The following SARDH variants were observed in gnomAD, a reference collection of about 807,000 sequenced individuals.
SARDH encodes sarcosine dehydrogenase, mitochondrial.
Under a neutral mutation model 109.1 loss-of-function variants are expected in SARDH, and 95 were observed. The ratio of observed to expected loss-of-function variants is 0.87; its 90% CI spans 0.74 to 1.03. SARDH has a LOEUF of 1.03. Ranked by LOEUF, SARDH falls within the 50% of genes least tolerant of loss-of-function variation. The pLI, the probability that SARDH is intolerant of heterozygous loss-of-function variation, is 0.00. For synonymous variants in SARDH, 572 were observed against 534.8 expected (o/e 1.07, Z -0.96); for missense variants, 1,267 against 1,287.8 (o/e 0.98, Z 0.25).
chr9:133,725,807 G>A, intron 6 of SARDH: 1 of 230,394 alleles, frequency 4.3e-6, no homozygotes, highest in East Asian at 1.3e-4. Context: ...AAGCAGGCAT[G>A]GCGTGTGGAC....
chr9:133,698,859 TC>T (rs1181607931), intron 13 of SARDH, among the ~76,000 whole-genome samples: 1 of 152,234 alleles, frequency 6.6e-6, no homozygotes, highest in African/African-American at 2.4e-5. Flanking sequence ...TCGGTTAGGT[TC>T]TTAGACATGA....
chr9:133,735,231 G>A (rs777962473), intron 1 of SARDH, among the ~76,000 whole-genome samples: 1 of 152,206 alleles, frequency 6.6e-6, no homozygotes, highest in Non-Finnish European at 1.5e-5. Context: ...GTGGGACTAA[G>A]GCGGAAGCTG....
chr9:133,698,026 A>AAAG (rs1208054781), intron 13 of SARDH, among the ~76,000 whole-genome samples: 1 of 151,116 alleles, frequency 6.6e-6, no homozygotes, highest in African/African-American at 2.4e-5. Flanking sequence ...AAAAAAGAAA[A>AAAG]AAAAGAAAAA....
rs1044014790 is a variant in SARDH, at chr9:133,694,252, C to T, written c.1921+6G>A. 49 of 1,542,212 alleles carry T rather than the reference C, an allele frequency of 3.2e-5. No homozygotes were observed. The highest frequency in any genetic ancestry group is 5.9e-5 in the Admixed American group (3 of 50,882). ...ACAGCGCCGTGTGCACAGAGGCATCCCATACCTTCAAAGGCGGGGGCCAGC... is the reference window on the plus strand; with the variant it reads ...ACAGCGCCGTGTGCACAGAGGCATCTCATACCTTCAAAGGCGGGGGCCAGC... On this transcript the variant is annotated splice_donor_region_variant and intron_variant, in intron 15 of 20. Coordinates refer to ENST00000439388, the MANE Select transcript of SARDH (RefSeq NM_001134707.2).
chr9:133,732,458 G>T lies in SARDH; in HGVS notation c.475C>A (p.Arg159=). Residue 159 remains arginine (R), a synonymous_variant, in exon 3 of 21, where the codon CGG becomes AGG. Coordinates refer to ENST00000439388, the MANE Select transcript of SARDH (RefSeq NM_001134707.2). ...QNGGLFIASN[R]QRLDEYKRLM... is the part of the protein sequence containing the mutation. ...CTCTTGTACTCGTCCAGGCGCTGCC[G>T]GTTGGACGCGATGAAGAGGCCCCCA... 1 of 1,552,252 alleles carries T rather than the reference G, an allele frequency of 6.4e-7. No homozygotes were observed. Among genetic ancestry groups the T allele is most frequent in the African/African-American group, 1.4e-5 (1 of 71,980 alleles).
intron 18 of SARDH, 89 bp from the exon 19 acceptor site, chr9:133,670,841 C>T: frequency 6.3e-6 from 9 of 1,422,730 alleles, no homozygotes; most frequent in Non-Finnish European, 8.3e-6. Context: ...AAACCCACCC[C>T]CTCCAGCCCC....
chr9:133,726,368 A>AAATAATAAT (rs547588474), intron 6 of SARDH, among the ~76,000 whole-genome samples: 1,468 of 114,126 alleles, frequency 0.013, 44 homozygotes, highest in East Asian at 0.067. Context: ...ACCCTGTCTC[A>AAATAATAAT]AATAATAATA....
In SARDH at chr9:133,664,009, CG is replaced by C; in HGVS notation, c.2636del (p.Ser879CysfsTer5). On this transcript the variant is annotated frameshift_variant, in exon 21 of 21. Coordinates refer to ENST00000439388, the MANE Select transcript of SARDH (RefSeq NM_001134707.2). LOFTEE classifies it high-confidence loss of function. ...AGTCCCCGCTCTTCACAAAGTCCAG[CG>C]AGACCTAGGAGCAGAGGTGGGGATG... ...YIHDPSGGPVSLDFVKSGDYA... is the reference protein window; with the variant it reads ...YIHDPSGGPVXLDFVKSGDYA... The C allele has an allele frequency of 6.2e-7, 1 of 1,614,036 alleles. No homozygotes were observed. The highest frequency in any genetic ancestry group is 8.5e-7 in the Non-Finnish European group (1 of 1,179,936).
chr9:133,732,152 T>G (rs914094145), intron 3 of SARDH, among the ~76,000 whole-genome samples: 1 of 152,136 alleles, frequency 6.6e-6, no homozygotes, highest in African/African-American at 2.4e-5. Context: ...GCTCCTTCCC[T>G]GTGGCGTGTC....
intron 8 of SARDH, among the ~76,000 whole-genome samples, chr9:133,716,117 C>G (rs1832112866): frequency 6.6e-6 from 1 of 152,236 alleles, no homozygotes; most frequent in Non-Finnish European, 1.5e-5. Context: ...GACTCGCCCT[C>G]CAGGGCCGGG....
In SARDH at chr9:133,693,885, AC is replaced by A. The variant is rs1831188893; in HGVS notation, c.1921+372del. On this transcript the variant is annotated intron_variant, in intron 15 of 20. Coordinates refer to ENST00000439388, the MANE Select transcript of SARDH (RefSeq NM_001134707.2). This position sits in a 1 kb window ranked among gnomAD's most constrained non-coding sequence, Gnocchi z 5.6. ...AGGGTCACACGGGCCTGAGAAGTCA[AC>A]CCAGCAAGGATGTCAGTGGCAGAAA... Among the ~76,000 whole-genome samples the A allele has an allele frequency of 1.3e-5, 2 of 152,220 alleles. No individual in the cohort carries two copies. Among genetic ancestry groups the A allele is most frequent in the African/African-American group, 4.8e-5 (2 of 41,454 alleles).
Position 133,728,244 on chromosome 9 carries a change from G to A in SARDH, c.915+1521C>T, listed in dbSNP as rs377602358. On this transcript the variant is annotated intron_variant, in intron 6 of 20. Transcript: ENST00000439388. This position sits in a 1 kb window ranked among gnomAD's most constrained non-coding sequence, Gnocchi z 5.0. ...AGCAGCGCACTGGGACCCAGGTTCCGGCCCCATTTCGCCACCCGCTTCACT... is the reference window on the plus strand; with the variant it reads ...AGCAGCGCACTGGGACCCAGGTTCCAGCCCCATTTCGCCACCCGCTTCACT... 4.1e-4 allele frequency among the ~76,000 whole-genome samples: 62 copies of A among 152,114 alleles called. No individual in the cohort carries two copies. Among genetic ancestry groups the A allele is most frequent in the African/African-American group, 1.2e-3 (49 of 41,402 alleles).
intron 17 of SARDH, among the ~76,000 whole-genome samples, chr9:133,680,019 C>A (rs968300869): frequency 2.0e-5 from 3 of 152,190 alleles, no homozygotes; most frequent in African/African-American, 4.8e-5. Context: ...TGGCTCAGGC[C>A]CACGCTCCAG....
chr9:133,712,756 C>A lies in SARDH; in HGVS notation c.1238-47G>T, dbSNP rs756109388. 6.4e-7 allele frequency: 1 copy of A among 1,561,578 alleles called. No homozygotes were observed. Among genetic ancestry groups the A allele is most frequent in the Non-Finnish European group, 8.7e-7 (1 of 1,145,326 alleles). ...GGCTGCGGTCTGCCCCCCAGGGTCC[C>A]CCACCCATGTCCAAACATGTGCCCC... is the stretch of plus-strand genomic sequence containing the variant. On this transcript the variant is annotated intron_variant, in intron 9 of 20. Coordinates refer to ENST00000439388, the MANE Select transcript of SARDH (RefSeq NM_001134707.2). This position sits in a 1 kb window ranked among gnomAD's most constrained non-coding sequence, Gnocchi z 4.1.
chr9:133,695,884 T>G (rs1831267965), intron 14 of SARDH, among the ~76,000 whole-genome samples: 1 of 152,106 alleles, frequency 6.6e-6, no homozygotes, highest in Non-Finnish European at 1.5e-5. Context: ...ATTCTGGCAA[T>G]CCCACCTGTG....
intron 19 of SARDH, among the ~76,000 whole-genome samples, chr9:133,667,632 A>AT (rs1830120844): frequency 6.6e-6 from 1 of 151,558 alleles, no homozygotes; most frequent in South Asian, 2.1e-4. Context: ...AACTGGTAAC[A>AT]TTTTGTTGCC....
chr9:133,736,759 G>C (rs182832718), intron 1 of SARDH, among the ~76,000 whole-genome samples: 90 of 152,314 alleles, frequency 5.9e-4, no homozygotes, highest in African/African-American at 2.1e-3. Context: ...GGAAGGGTGG[G>C]GTGGTGTCCT....
intron 16 of SARDH, 94 bp downstream of exon 16, chr9:133,690,286 C>T (rs1831043678): frequency 6.9e-7 from 1 of 1,444,882 alleles, no homozygotes; most frequent in South Asian, 1.2e-5. Flanking sequence ...CAGAATGGCC[C>T]ATTCTGGACA....
rs1831825386 is a variant in SARDH, at chr9:133,709,310, T to G, written c.1329-882A>C. ...GCAGAGCAATCAGTGCCCCGCGGCTTGTTCCCTGGTCTCCTCAGACCAGCC... is the reference window on the plus strand; with the variant it reads ...GCAGAGCAATCAGTGCCCCGCGGCTGGTTCCCTGGTCTCCTCAGACCAGCC... On this transcript the variant is annotated intron_variant, in intron 10 of 20. Transcript: ENST00000439388. The surrounding 1 kb of genome is among the most constrained non-coding windows in gnomAD (Gnocchi z 4.2). 6.6e-6 allele frequency among the ~76,000 whole-genome samples: 1 copy of G among 152,152 alleles called. No homozygotes were observed.
Sources: gnomAD v4.1 joint callset for allele counts (sites outside exome capture counted in the v4.1 genomes callset) on GRCh38, gnomAD v4.1.1 for gene constraint, Gnocchi (gnomAD v3.1) non-coding constraint, MANE v1.5 for transcripts, NCBI Gene and HGNC (gene_info 2026-07-23, HGNC 2026-07-21) for gene names.